IQGAP2: variants seen among roughly 807,000 people sequenced by gnomAD.
IQGAP2 encodes the protein IQ motif containing GTPase activating protein 2.
A neutral mutation model predicts 201.3 loss-of-function variants in IQGAP2; 173 were observed. That is an observed-to-expected ratio of 0.86 (90% CI 0.76 to 0.98). IQGAP2 has a LOEUF of 0.98. Among genes scored for constraint, IQGAP2 ranks in the 50% least tolerant of loss-of-function variants. The pLI is 0.00. For synonymous variants in IQGAP2, 675 were observed against 673.9 expected (o/e 1.00, Z -0.03); for missense variants, 1,687 against 1,864.8 (o/e 0.90, Z 1.76).
At chr5:76,590,168 G>C (rs530028334) in intron 7 of IQGAP2, among the ~76,000 whole-genome samples, 2 of 152,204 alleles carry the variant, frequency 1.3e-5, no homozygotes, top group Non-Finnish European at 2.9e-5. Context: ...CTTCATTTTA[G>C]CCATTCAGTG....
chr5:76,626,270 C>CTTTTTTTTTTTTTTTTTTTTTTTTTTTT (rs34251090), intron 13 of IQGAP2, among the ~76,000 whole-genome samples: 3 of 83,654 alleles, frequency 3.6e-5, no homozygotes, highest in Non-Finnish European at 6.3e-5. Context: ...TTCTTCTTTT[C>CTTTTTTTTTTTTTTTTTTTTTTTTTTTT]TTTTTTTTTT....
intron 28 of IQGAP2, among the ~76,000 whole-genome samples, chr5:76,679,526 C>T (rs1745104773): frequency 6.6e-6 from 1 of 152,206 alleles, no homozygotes. Flanking sequence ...GTGCTTACCC[C>T]TTTCTCTAAG....
intron 2 of IQGAP2, among the ~76,000 whole-genome samples, chr5:76,480,254 C>T (rs1219894704): frequency 6.6e-6 from 1 of 152,146 alleles, no homozygotes; most frequent in South Asian, 2.1e-4. Flanking sequence ...ACATATTTCA[C>T]ATACCCTCTG....
chr5:76,436,490 T>TAC, intron 1 of IQGAP2, among the ~76,000 whole-genome samples: 1 of 16,896 alleles, frequency 5.9e-5, no homozygotes, highest in Non-Finnish European at 1.2e-4. Flanking sequence ...TATATATATA[T>TAC]ATATATATAT....
At chr5:76,623,283 G>A (rs1367242998) in intron 13 of IQGAP2, 7 of 1,597,954 alleles carry the variant, frequency 4.4e-6, no homozygotes, top group African/African-American at 2.7e-5. Context: ...TAAAATCATG[G>A]AGCACAATTT....
At chr5:76,515,872 C>CTTTTTTTTTTTTTTTTTTTTTTTTT (rs71604295) in intron 2 of IQGAP2, among the ~76,000 whole-genome samples, 1 of 102,762 alleles carries the variant, frequency 9.7e-6, no homozygotes, top group Non-Finnish European at 1.9e-5. Context: ...AGGGGGTGAT[C>CTTTTTTTTTTTTTTTTTTTTTTTTT]TTTTTTTTTT....
chr5:76,431,778 G>A (rs1434125267), intron 1 of IQGAP2, among the ~76,000 whole-genome samples: 2 of 147,364 alleles, frequency 1.4e-5, no homozygotes, highest in East Asian at 2.0e-4. Context: ...AGCCGAGATC[G>A]CACCACTGCA....
At chr5:76,429,606 A>T (rs1392256980) in intron 1 of IQGAP2, among the ~76,000 whole-genome samples, 6 of 141,408 alleles carry the variant, frequency 4.2e-5, no homozygotes, top group Non-Finnish European at 9.1e-5. Context: ...ATGTATATTT[A>T]TATATATACA....
intron 21 of IQGAP2, among the ~76,000 whole-genome samples, chr5:76,662,977 A>G (rs1743396568): frequency 6.6e-6 from 1 of 152,242 alleles, no homozygotes; most frequent in African/African-American, 2.4e-5. Flanking sequence ...CTGGAAGGCA[A>G]CAGATGTAGC....
At chr5:76,455,300 A>C (rs1444956775) in intron 1 of IQGAP2, among the ~76,000 whole-genome samples, 1 of 151,800 alleles carries the variant, frequency 6.6e-6, no homozygotes, top group Admixed American at 6.6e-5. Flanking sequence ...AATACAAAAA[A>C]AATTTAGCCT....
intron 1 of IQGAP2, among the ~76,000 whole-genome samples, chr5:76,430,137 G>T (rs1286058066): frequency 6.6e-6 from 1 of 152,026 alleles, no homozygotes; most frequent in Non-Finnish European, 1.5e-5. Context: ...CTATATATGT[G>T]GTTCAGTTAC....
At chr5:76,431,577 C>T (rs1410659943) in intron 1 of IQGAP2, among the ~76,000 whole-genome samples, 1 of 152,074 alleles carries the variant, frequency 6.6e-6, no homozygotes, top group East Asian at 1.9e-4. Context: ...GTAATCCCAA[C>T]ATTTTGGGAG....
intron 30 of IQGAP2, among the ~76,000 whole-genome samples, chr5:76,686,466 G>A (rs1745763703): frequency 6.6e-6 from 1 of 151,918 alleles, no homozygotes; most frequent in African/African-American, 2.4e-5. Context: ...ATTTTTGTGT[G>A]TGGTGTGAGA....
Position 76,673,551 on chromosome 5 carries a change from A to C in IQGAP2, c.3171A>C (p.Lys1057Asn). The change falls in exon 25 of 36, where the codon AAA becomes AAC. Residue 1057 changes from lysine to asparagine, a missense_variant. Lys to Asn is a moderately conservative substitution (Grantham distance 94). Transcript: ENST00000274364. ...AGAACCTGAGAAGGGTCACCGACAA[A>C]GTCCTGAATTCTATCATTTCTTCCC... Reference protein sequence around the residue: ...SIENLRRVTDKVLNSIISSLD... With the variant: ...SIENLRRVTDNVLNSIISSLD... The C allele has an allele frequency of 6.2e-7, 1 of 1,614,100 alleles. No individual in the cohort carries two copies. Among genetic ancestry groups the C allele is most frequent in the African/African-American group, 1.3e-5 (1 of 75,046 alleles).
intron 14 of IQGAP2, among the ~76,000 whole-genome samples, chr5:76,630,278 A>C (rs939642558): frequency 5.3e-5 from 8 of 152,202 alleles, no homozygotes. Context: ...ACACCTCCAC[A>C]GTCCTTGAAA....
intron 2 of IQGAP2, among the ~76,000 whole-genome samples, chr5:76,551,190 C>A (rs1458461257): frequency 6.8e-6 from 1 of 147,780 alleles, no homozygotes. Context: ...GGCAGAGACG[C>A]TCCTCACCTC....
chr5:76,615,975 T>G (rs1229440624), intron 13 of IQGAP2: 2 of 152,632 alleles, frequency 1.3e-5, no homozygotes, highest in Non-Finnish European at 2.9e-5. Flanking sequence ...GCTGTTTAAC[T>G]GCTTTGAGAT....
intron 30 of IQGAP2, among the ~76,000 whole-genome samples, chr5:76,687,916 A>G (rs1451486239): frequency 6.6e-6 from 1 of 152,208 alleles, no homozygotes; most frequent in African/African-American, 2.4e-5. Context: ...ACGCACTTGA[A>G]TCATCTTCCC....
chr5:76,556,307 G>C (rs115390764), intron 2 of IQGAP2, among the ~76,000 whole-genome samples: 1,869 of 152,202 alleles, frequency 0.012, 43 homozygotes, highest in African/African-American at 0.044. Context: ...GGGCCATCTT[G>C]TCTGCTCCTT....
Sources: gnomAD v4.1 joint callset for allele counts (sites outside exome capture counted in the v4.1 genomes callset) on GRCh38, gnomAD v4.1.1 for gene constraint, MANE v1.5 for transcripts, NCBI Gene and HGNC (gene_info 2026-07-23, HGNC 2026-07-21) for gene names.